Variants in CHST9 observed in about 807,000 individuals in gnomAD.
CHST9 encodes carbohydrate sulfotransferase 9, also known as GalNAc-4-sulfotransferase 2.
In CHST9, 41 loss-of-function variants were observed where a neutral mutation model predicts 44.4. The ratio of observed to expected loss-of-function variants is 0.92; its 90% confidence interval spans 0.72 to 1.20. The LOEUF (loss-of-function observed/expected upper bound fraction) is 1.20. Among genes scored for constraint, CHST9 ranks in the 50% most tolerant of loss-of-function variants. The pLI is 0.00. For missense variants in CHST9, 504 were observed against 516.5 expected (o/e 0.98, Z 0.23); for synonymous variants, 171 against 178.4 (o/e 0.96, Z 0.33).
rs571155309 is a variant in CHST9 at position 26,908,897 on chromosome 18, T to C, written c.*7362A>G. On this transcript the variant is annotated 3_prime_UTR_variant, in exon 6 of 6. Transcript: ENST00000618847. ...AGCAAATATTTTCCATTTTCAATCA[T>C]CTTAGGTCAATTTGAAAACAGCTTT... 5 of 152,366 alleles carry C rather than the reference T, an allele frequency of 3.3e-5. No individual in the cohort carries two copies. Among genetic ancestry groups the C allele is most frequent in the African/African-American group, 9.6e-5 (4 of 41,588 alleles). 9.4% of individuals were successfully genotyped at this position (152,366 alleles called of 1,614,324 possible).
At chr18:27,049,418 T>G (rs1160069523) in intron 2 of CHST9, among the ~76,000 whole-genome samples, 4 of 152,088 alleles carry the variant, frequency 2.6e-5, no homozygotes, top group African/African-American at 9.7e-5. Flanking sequence ...TTTGAAGTAC[T>G]ATGGGGACAA....
chr18:26,956,462 T>C (rs1227085228), intron 4 of CHST9, among the ~76,000 whole-genome samples: 3 of 148,038 alleles, frequency 2.0e-5, no homozygotes, highest in Non-Finnish European at 4.5e-5. Context: ...TGTGTACATA[T>C]ATACAATTAT....
At chr18:26,918,536 G>T (rs1485900030) in intron 5 of CHST9, among the ~76,000 whole-genome samples, 1 of 152,012 alleles carries the variant, frequency 6.6e-6, no homozygotes, top group Non-Finnish European at 1.5e-5. Flanking sequence ...ATATATGTGT[G>T]TGTGTGTATA....
At chr18:27,025,595 G>A (rs2057276951) in intron 3 of CHST9, among the ~76,000 whole-genome samples, 1 of 152,128 alleles carries the variant, frequency 6.6e-6, no homozygotes, top group African/African-American at 2.4e-5. Flanking sequence ...CCTGGTGTAA[G>A]GTACTGGCCA....
chr18:26,939,618 G>A (rs572092347), intron 5 of CHST9, among the ~76,000 whole-genome samples: 78 of 152,300 alleles, frequency 5.1e-4, no homozygotes, highest in African/African-American at 1.9e-3. Flanking sequence ...CTGCACCCAA[G>A]ACCTGGTCCT....
At chr18:27,010,422 T>G (rs1204694084) in intron 4 of CHST9, among the ~76,000 whole-genome samples, 2 of 152,144 alleles carry the variant, frequency 1.3e-5, no homozygotes, top group East Asian at 3.9e-4. Context: ...CAGGGTGAAA[T>G]CAAGACAGTT....
At chr18:26,989,894 G>A (rs1170427309) in intron 4 of CHST9, among the ~76,000 whole-genome samples, 2 of 152,146 alleles carry the variant, frequency 1.3e-5, no homozygotes, top group Non-Finnish European at 2.9e-5. Context: ...AGATTGCAGT[G>A]AGCCAAGATC....
intron 1 of CHST9, among the ~76,000 whole-genome samples, chr18:27,177,744 G>C (rs2058880147): frequency 6.6e-6 from 1 of 151,936 alleles, no homozygotes; most frequent in Admixed American, 6.6e-5. Context: ...CAATGGGAGT[G>C]GAATGTGCCA....
At chr18:27,132,395 G>A (rs1485999616) in intron 2 of CHST9, among the ~76,000 whole-genome samples, 1 of 152,134 alleles carries the variant, frequency 6.6e-6, no homozygotes, top group Non-Finnish European at 1.5e-5. Flanking sequence ...GATATCCCTG[G>A]AGAAAATCTG....
intron 2 of CHST9, among the ~76,000 whole-genome samples, chr18:27,070,882 GT>G (rs1348303394): frequency 6.6e-6 from 1 of 152,190 alleles, no homozygotes; most frequent in Non-Finnish European, 1.5e-5. Context: ...GGTTTGGTCA[GT>G]GCTGGGTATT....
At chr18:26,978,758 G>A (rs1047333421) in intron 4 of CHST9, among the ~76,000 whole-genome samples, 4 of 152,166 alleles carry the variant, frequency 2.6e-5, no homozygotes, top group Non-Finnish European at 5.9e-5. Flanking sequence ...CAGGGCTGTG[G>A]AGAAAATAAA....
At chr18:26,920,758 G>A (rs935391371) in intron 5 of CHST9, among the ~76,000 whole-genome samples, 3 of 152,228 alleles carry the variant, frequency 2.0e-5, no homozygotes, top group African/African-American at 7.2e-5. Flanking sequence ...TTAAGGTGAT[G>A]AGAATCTGTG....
chr18:27,169,775 T>A (rs1389847225), intron 1 of CHST9, among the ~76,000 whole-genome samples: 1 of 151,812 alleles, frequency 6.6e-6, no homozygotes, highest in Admixed American at 6.6e-5. Context: ...CCGGCTAATT[T>A]TTTTTGTACT....
intron 2 of CHST9, among the ~76,000 whole-genome samples, chr18:27,093,568 T>G (rs540715992): frequency 7.9e-5 from 12 of 152,192 alleles, no homozygotes; most frequent in Non-Finnish European, 1.3e-4. Context: ...TGGGAGAGAA[T>G]CACGTTGTCT....
chr18:27,154,804 C>G (rs148525805), intron 1 of CHST9, among the ~76,000 whole-genome samples: 41 of 151,938 alleles, frequency 2.7e-4, no homozygotes, highest in Non-Finnish European at 5.4e-4. Context: ...TCTATGTGGT[C>G]GGGTGTGGTG....
At chr18:26,937,319 A>C (rs1267019802) in intron 5 of CHST9, among the ~76,000 whole-genome samples, 1 of 152,198 alleles carries the variant, frequency 6.6e-6, no homozygotes, top group Admixed American at 6.5e-5. Context: ...TGGTTAAAAC[A>C]CTTTGAAAAA....
intron 1 of CHST9, among the ~76,000 whole-genome samples, chr18:27,179,176 C>T (rs1481275144): frequency 6.6e-6 from 1 of 151,748 alleles, no homozygotes; most frequent in Non-Finnish European, 1.5e-5. Flanking sequence ...CCTAAGACCA[C>T]TAAAATATTA....
intron 5 of CHST9, chr18:26,936,127 C>T (rs2055986672): frequency 6.6e-6 from 1 of 152,084 alleles, no homozygotes; most frequent in Admixed American, 6.6e-5. Flanking sequence ...GAGGGATCTG[C>T]CTTAGGGGAT....
chr18:26,943,362 G>C (rs148465899), intron 5 of CHST9, among the ~76,000 whole-genome samples: 95 of 152,310 alleles, frequency 6.2e-4, no homozygotes, highest in African/African-American at 2.2e-3. Context: ...CACAGATTGG[G>C]TAAAACTAGA....
Sources: allele counts gnomAD v4.1 joint callset (sites outside exome capture counted in the v4.1 genomes callset), GRCh38; gene constraint gnomAD v4.1.1; transcripts MANE v1.5; gene names NCBI Gene and HGNC (gene_info 2026-07-23, HGNC 2026-07-21).